ELFN2: variants seen among roughly 807,000 people sequenced by gnomAD.
The protein encoded by ELFN2 is extracellular leucine rich repeat and fibronectin type III domain containing 2.
Under a neutral mutation model 45.5 loss-of-function variants are expected in ELFN2, and 17 were observed. The observed-to-expected ratio is 0.37, with a 90% confidence interval of 0.26 to 0.56. The LOEUF is 0.56. Among genes scored for constraint, ELFN2 ranks in the 20% least tolerant of loss-of-function variants. ELFN2 has a pLI of 0.77. For synonymous variants in ELFN2, 550 were observed against 551.5 expected, an observed-to-expected ratio of 1.00 and a Z score of 0.04; for missense variants, 922 against 1,183.2, an observed-to-expected ratio of 0.78 and a Z score of 3.24.
chr22:37,414,151 T>C (rs1040385239), intron 2 of ELFN2, among the ~76,000 whole-genome samples: 1 of 152,094 alleles, frequency 6.6e-6, no homozygotes, highest in African/African-American at 2.4e-5. Flanking sequence ...GTACTTGAGA[T>C]AGAGCAGAGA....
rs569451117 is a variant in ELFN2, at chr22:37,399,664, C to T, written c.-463+18105G>A. Among the ~76,000 whole-genome samples the T allele has an allele frequency of 2.6e-4, 39 of 151,026 alleles. No homozygotes were observed. In the South Asian group the frequency reaches 6.7e-3, roughly 26 times the overall value. ...CCACCTCTCCCACCTCCACCGACCA[C>T]GGGGACCATCAGCCCACCTCTCCCA... On this transcript the variant is annotated intron_variant, in intron 2 of 2. Coordinates refer to ENST00000402918, the MANE Select transcript of ELFN2 (RefSeq NM_052906.5).
chr22:37,359,586 T>C (rs1931031806), intron 1 of ELFN2, among the ~76,000 whole-genome samples: 2 of 152,228 alleles, frequency 1.3e-5, no homozygotes, highest in South Asian at 4.1e-4. Flanking sequence ...TCCTCAGCTC[T>C]CAAGGCTTCC....
chr22:37,375,717 G>C lies in ELFN2; in HGVS notation c.-183C>G. 1 of 711,266 alleles carries C rather than the reference G, an allele frequency of 1.4e-6. No homozygotes were observed. Among genetic ancestry groups the C allele is most frequent in the Non-Finnish European group, 2.3e-6 (1 of 430,558 alleles). The allele number at this position is 711,266 out of a possible 1,614,324, so 44.1% of individuals were successfully genotyped here. A position where few individuals can be genotyped will look rare whatever the true frequency, so the allele number is the denominator to read the frequency against. ...GCTGGGGATCTTCTAGGGTGCTACAGCAGGCACTAGGCCTGGCTAGGGCTG... is the reference window on the plus strand; with the variant it reads ...GCTGGGGATCTTCTAGGGTGCTACACCAGGCACTAGGCCTGGCTAGGGCTG... On this transcript the variant is annotated 5_prime_UTR_variant, in exon 3 of 3. Coordinates refer to ENST00000402918, the MANE Select transcript of ELFN2 (RefSeq NM_052906.5).
At chr22:37,387,696 G>C (rs1012495102) in intron 2 of ELFN2, among the ~76,000 whole-genome samples, 1 of 152,086 alleles carries the variant, frequency 6.6e-6, no homozygotes, top group Middle Eastern at 3.4e-3. Flanking sequence ...CCCAGGCCGC[G>C]GCCCCTCGGG....
At chr22:37,388,752 C>T (rs1932018470) in intron 2 of ELFN2, among the ~76,000 whole-genome samples, 1 of 152,208 alleles carries the variant, frequency 6.6e-6, no homozygotes, top group South Asian at 2.1e-4. Flanking sequence ...ACTCTCAGGG[C>T]CTCAGTCTTC....
chr22:37,422,142 C>A (rs1426480145), intron 1 of ELFN2, among the ~76,000 whole-genome samples: 1 of 152,134 alleles, frequency 6.6e-6, no homozygotes, highest in East Asian at 1.9e-4. Flanking sequence ...CCAACCCCAG[C>A]AGTACCCATG....
chr22:37,404,622 G>A (rs1364802067), intron 2 of ELFN2, among the ~76,000 whole-genome samples: 1 of 152,176 alleles, frequency 6.6e-6, no homozygotes, highest in Non-Finnish European at 1.5e-5. Context: ...TACAGCCAGA[G>A]GCAGGTGACA....
At chr22:37,425,203 G>C (rs900388654) in intron 1 of ELFN2, among the ~76,000 whole-genome samples, 1 of 152,174 alleles carries the variant, frequency 6.6e-6, no homozygotes, top group African/African-American at 2.4e-5. Flanking sequence ...GGGATGAAGA[G>C]GAAAACAGGG....
chr22:37,392,550 C>T (rs939531908), intron 2 of ELFN2, among the ~76,000 whole-genome samples: 6 of 152,236 alleles, frequency 3.9e-5, no homozygotes, highest in Admixed American at 3.9e-4. Context: ...GATCTCCTGA[C>T]CTCGTGATCC....
At chr22:37,379,208 T>TG (rs1002979677) in intron 2 of ELFN2, among the ~76,000 whole-genome samples, 2 of 151,962 alleles carry the variant, frequency 1.3e-5, no homozygotes, top group African/African-American at 4.8e-5. Context: ...AGATGATAGA[T>TG]GGGGGGCGCA....
In ELFN2 at chr22:37,373,041, G is replaced by T; in HGVS notation, c.*31C>A. Reference sequence around the variant, plus strand: ...CCCCCAAAAGGCCCCCAGCCCTCTGGCTCCGACCTCACCAGGGAGGAAGGG... The same window carrying T: ...CCCCCAAAAGGCCCCCAGCCCTCTGTCTCCGACCTCACCAGGGAGGAAGGG... On this transcript the variant is annotated 3_prime_UTR_variant, in exon 3 of 3. Coordinates refer to ENST00000402918, the MANE Select transcript of ELFN2 (RefSeq NM_052906.5). 6.4e-7 allele frequency: 1 copy of T among 1,558,964 alleles called. No individual in the cohort carries two copies. Among genetic ancestry groups the T allele is most frequent in the Non-Finnish European group, 8.7e-7 (1 of 1,149,314 alleles).
chr22:37,364,373 G>T (rs1439840199), downstream of ELFN2, among the ~76,000 whole-genome samples: 4 of 152,216 alleles, frequency 2.6e-5, no homozygotes, highest in Admixed American at 2.6e-4. Flanking sequence ...TGCCAGGAAA[G>T]AGCCGGGGGT....
chr22:37,378,317 C>T (rs1245000206), intron 2 of ELFN2, among the ~76,000 whole-genome samples: 2 of 152,208 alleles, frequency 1.3e-5, no homozygotes, highest in Non-Finnish European at 2.9e-5. Flanking sequence ...GTGTTCTACA[C>T]GTGTGTGTGC....
intron 1 of ELFN2, among the ~76,000 whole-genome samples, chr22:37,418,165 A>G (rs1340868435): frequency 6.6e-6 from 1 of 151,750 alleles, no homozygotes; most frequent in Non-Finnish European, 1.5e-5. Flanking sequence ...AGAGATAGAG[A>G]GATGGGGGAG....
At chr22:37,364,343 T>C (rs190891773), downstream of ELFN2, among the ~76,000 whole-genome samples, 1 of 152,108 alleles carries the variant, frequency 6.6e-6, no homozygotes, top group African/African-American at 2.4e-5. Flanking sequence ...GATGAGGGGC[T>C]CCGGAAGAAG....
downstream of ELFN2, among the ~76,000 whole-genome samples, chr22:37,364,541 C>T (rs2145624528): frequency 6.6e-6 from 1 of 152,232 alleles, no homozygotes; most frequent in South Asian, 2.1e-4. Context: ...CCCCACAGTT[C>T]AGCCAACTCC....
intron 1 of ELFN2, among the ~76,000 whole-genome samples, chr22:37,346,230 C>T (rs750108189): frequency 6.6e-6 from 1 of 152,236 alleles, no homozygotes. Flanking sequence ...GGAGAAGCTC[C>T]GGCCTGTGCG....
At chr22:37,386,888 A>G (rs1214080551) in intron 2 of ELFN2, among the ~76,000 whole-genome samples, 3 of 152,128 alleles carry the variant, frequency 2.0e-5, no homozygotes, top group African/African-American at 4.8e-5. Flanking sequence ...TGGTCCTGGC[A>G]AGCTAATCTG....
At chr22:37,365,212 C>G (rs1931176982), downstream of ELFN2, among the ~76,000 whole-genome samples, 1 of 67,428 alleles carries the variant, frequency 1.5e-5, no homozygotes, top group Non-Finnish European at 3.4e-5. Context: ...TCCAGTGATC[C>G]CCCAAACCCT....
Sources: gnomAD v4.1 joint callset for allele counts (sites outside exome capture counted in the v4.1 genomes callset) on GRCh38, gnomAD v4.1.1 for gene constraint, MANE v1.5 for transcripts, NCBI Gene and HGNC (gene_info 2026-07-23, HGNC 2026-07-21) for gene names.